PIGN: variants seen among roughly 807,000 people sequenced by gnomAD.
The protein encoded by PIGN is GPI ethanolamine phosphate transferase 1.
In PIGN, 117 loss-of-function variants were observed where a neutral mutation model predicts 125.4. The ratio of observed to expected loss-of-function variants is 0.93; its 90% CI spans 0.80 to 1.09. PIGN has a LOEUF of 1.09. Among genes scored for constraint, PIGN ranks in the 50% least tolerant of loss-of-function variants. The pLI, the probability that PIGN is intolerant of heterozygous loss-of-function variation, is 0.00. For synonymous variants in PIGN, 392 were observed against 377.8 expected, an observed-to-expected ratio of 1.04 and a Z score of -0.44; for missense variants, 1,075 against 1,094.9, an observed-to-expected ratio of 0.98 and a Z score of 0.26.
intron 30 of PIGN, among the ~76,000 whole-genome samples, chr18:62,050,042 C>T (rs2145106201): frequency 6.6e-6 from 1 of 152,084 alleles, no homozygotes; most frequent in East Asian, 1.9e-4. Flanking sequence ...GGGCTCTGTT[C>T]TGTTCCATTG....
chr18:62,137,132 A>G, intron 14 of PIGN: 1 of 398,664 alleles, frequency 2.5e-6, no homozygotes, highest in Non-Finnish European at 4.4e-6. Flanking sequence ...AGCAGGCAGA[A>G]GAATGTGGAA....
rs1466623290 is a variant in PIGN, at chr18:62,042,924, A to C, written c.*2932T>G. On this transcript the variant is annotated 3_prime_UTR_variant, in exon 31 of 31. Transcript: ENST00000640252. Reference sequence around the variant, plus strand: ...GAGACCCTGTCTCAAAACAAAAACGAAAAAAAAAAAAACAAAAAACCATGC... The same window carrying C: ...GAGACCCTGTCTCAAAACAAAAACGCAAAAAAAAAAAACAAAAAACCATGC... 7.2e-5 allele frequency: 2 copies of C among 27,730 alleles called. No homozygotes were observed. The highest frequency in any genetic ancestry group is 1.6e-4 in the African/African-American group (2 of 12,864). The allele number at this position is 27,730 out of a possible 1,614,324, so 1.7% of individuals were successfully genotyped here. A position where few individuals can be genotyped will look rare whatever the true frequency, so the allele number is the denominator to read the frequency against.
intron 7 of PIGN, chr18:62,153,850 T>C (rs2036623830): frequency 6.6e-6 from 1 of 152,104 alleles, no homozygotes; most frequent in African/African-American, 2.4e-5. Flanking sequence ...AAGACATTAC[T>C]AGAAAAAAGA....
At chr18:62,106,747 A>G in intron 19 of PIGN, 42 bp downstream of exon 19, 1 of 1,284,242 alleles carries the variant, frequency 7.8e-7, no homozygotes, top group East Asian at 2.4e-5. Context: ...GTCAAAACAA[A>G]GTAGTTACTA....
In PIGN at chr18:62,161,328, A is replaced by C. The variant is rs973223435; in HGVS notation, c.26T>G (p.Leu9Trp). Residue 9 changes from leucine (L) to tryptophan (W), a missense_variant, in exon 4 of 31, where the codon TTG (leucine) becomes TGG (tryptophan). Leu to Trp is a moderately conservative substitution (Grantham distance 61). Around this residue, in one of 3 missense-constraint regions of PIGN, gnomAD observed 152 missense variants for 162.9 expected, o/e 0.93. Coordinates refer to ENST00000640252, the MANE Select transcript of PIGN (RefSeq NM_176787.5). Reference sequence around the variant, plus strand: ...GGCGAAGAACACAAAATGTATAAGCAATCCCAAAGTAAAGAACAGCAGCAT... The same window carrying C: ...GGCGAAGAACACAAAATGTATAAGCCATCCCAAAGTAAAGAACAGCAGCAT... MLLFFTLG[L>W]LIHFVFFASI... 8.7e-6 allele frequency: 14 copies of C among 1,612,808 alleles called. No homozygotes were observed. Among genetic ancestry groups the C allele is most frequent in the African/African-American group, 1.3e-5 (1 of 74,950 alleles).
intron 1 of PIGN, chr18:62,186,376 T>G (rs2038014022): frequency 6.6e-6 from 1 of 152,260 alleles, no homozygotes; most frequent in African/African-American, 2.4e-5. Flanking sequence ...CAACCACTCT[T>G]GGCTTAAGTT....
intron 23 of PIGN, among the ~76,000 whole-genome samples, chr18:62,033,593 T>C (rs540589630): frequency 5.3e-5 from 8 of 152,368 alleles, no homozygotes; most frequent in African/African-American, 1.9e-4. Context: ...AATTGAGTTC[T>C]GTATTTCATT....
chr18:62,112,346 C>T (rs534919788), intron 16 of PIGN, among the ~76,000 whole-genome samples: 56 of 152,044 alleles, frequency 3.7e-4, no homozygotes, highest in Non-Finnish European at 7.2e-4. Context: ...ATTAAAAATA[C>T]ACCACCAGGA....
intron 14 of PIGN, among the ~76,000 whole-genome samples, chr18:62,122,924 A>G (rs1344338737): frequency 6.6e-6 from 1 of 152,090 alleles, no homozygotes; most frequent in Non-Finnish European, 1.5e-5. Context: ...GCGTTAATTA[A>G]CTCTCATGCC....
Position 62,043,236 on chromosome 18 carries a change from C to A in PIGN, c.*2620G>T, listed in dbSNP as rs1486879158. 6.6e-6 allele frequency: 1 copy of A among 152,146 alleles called. No individual in the cohort carries two copies. The highest frequency in any genetic ancestry group is 2.4e-5 in the African/African-American group (1 of 41,414). 9.4% of individuals were successfully genotyped at this position (152,146 alleles called of 1,614,324 possible). On this transcript the variant is annotated 3_prime_UTR_variant, in exon 31 of 31. Transcript: ENST00000640252. ...CATCTAGTGTGAATATGGGAGCTCA[C>A]CAGGTTCTCCCAAGGACAGGGTGGC...
rs1028320933 is a variant in PIGN at position 62,082,687 on chromosome 18, C to CTGAG, written c.2558_2561dup (p.Gln854HisfsTer35). The CTGAG allele has an allele frequency of 2.6e-6, 4 of 1,539,392 alleles. No individual in the cohort carries two copies. The African/African-American group carries it at 5.5e-5, about 21-fold the overall frequency. On this transcript the variant is annotated frameshift_variant, in exon 28 of 31. Transcript: ENST00000640252. LOFTEE classifies it high-confidence loss of function. ...ATTCATCTTACCTTTTTGACGATAACTGAGTAGTCAACTGAACTGCTTCAA... is the reference window on the plus strand; with the variant it reads ...ATTCATCTTACCTTTTTGACGATAACTGAGTGAGTAGTCAACTGAACTGCTTCAA...
chr18:62,149,987 T>A (rs1204868506), intron 7 of PIGN, among the ~76,000 whole-genome samples: 1 of 152,116 alleles, frequency 6.6e-6, no homozygotes, highest in Non-Finnish European at 1.5e-5. Flanking sequence ...GATAAGAGTT[T>A]GTTGCTGTTG....
At chr18:62,143,193 T>C (rs911227898) in intron 11 of PIGN, 113 bp downstream of exon 11, 4 of 639,880 alleles carry the variant, frequency 6.3e-6, no homozygotes, top group African/African-American at 5.8e-5. Flanking sequence ...GTAACTGAAA[T>C]GTTTTGAAAA....
At chr18:62,039,547 G>T (rs1246311973), downstream of PIGN, among the ~76,000 whole-genome samples, 1 of 94,020 alleles carries the variant, frequency 1.1e-5, no homozygotes, top group Admixed American at 1.2e-4. Context: ...CATGTTTAGG[G>T]TCCATCCAGG....
rs1177477951 is a variant in PIGN at position 62,043,261 on chromosome 18, C to A, written c.*2595G>T. 2.0e-5 allele frequency: 3 copies of A among 152,108 alleles called. No individual in the cohort carries two copies. The East Asian group carries it at 5.8e-4, about 29-fold the overall frequency. The allele number at this position is 152,108 out of a possible 1,614,324, so 9.4% of individuals were successfully genotyped here. A position where few individuals can be genotyped will look rare whatever the true frequency, so the allele number is the denominator to read the frequency against. ...CCAGGTTCTCCCAAGGACAGGGTGG[C>A]CCTGCAACAGCTACGCCTGTCCTAG... On this transcript the variant is annotated 3_prime_UTR_variant, in exon 31 of 31. Transcript: ENST00000640252.
At chr18:62,063,653 A>C (rs913513499) in intron 30 of PIGN, among the ~76,000 whole-genome samples, 2 of 149,382 alleles carry the variant, frequency 1.3e-5, no homozygotes, top group Non-Finnish European at 1.5e-5. Context: ...GCCAAAAGGT[A>C]TAATTTCAAT....
chr18:62,113,493 G>A (rs1478440769), intron 15 of PIGN, among the ~76,000 whole-genome samples, 177 bp from the exon 16 acceptor site: 1 of 152,130 alleles, frequency 6.6e-6, no homozygotes, highest in East Asian at 1.9e-4. Flanking sequence ...TTTAAAGTAT[G>A]AGAAAAATTT....
At chr18:62,118,368 G>T (rs2043703293) in intron 14 of PIGN, among the ~76,000 whole-genome samples, 1 of 151,852 alleles carries the variant, frequency 6.6e-6, no homozygotes. Flanking sequence ...CTCCCACCAA[G>T]AACAACTAGA....
chr18:62,155,523 C>T (rs771376570), intron 6 of PIGN, among the ~76,000 whole-genome samples: 14 of 152,006 alleles, frequency 9.2e-5, no homozygotes, highest in Non-Finnish European at 1.5e-4. Flanking sequence ...GAGCTGAGAT[C>T]GTGCCACTGC....
Sources: allele counts gnomAD v4.1 joint callset (sites outside exome capture counted in the v4.1 genomes callset), GRCh38; gene constraint gnomAD v4.1.1; regional missense constraint gnomAD v4.1.1; transcripts MANE v1.5; gene names NCBI Gene and HGNC (gene_info 2026-07-23, HGNC 2026-07-21).